PDZRN4: variants seen among roughly 807,000 people sequenced by gnomAD.
PDZRN4 encodes the protein PDZ domain containing ring finger 4.
A neutral mutation model predicts 99.0 loss-of-function variants in PDZRN4; 70 were observed. The ratio of observed to expected loss-of-function variants is 0.71; its 90% CI spans 0.58 to 0.86. The LOEUF is 0.86. Among genes scored for constraint, PDZRN4 ranks in the 40% least tolerant of loss-of-function variants. The probability of loss-of-function intolerance (pLI) is 0.00; values close to 1 mark genes in which losing one functional copy is unlikely to be tolerated. For synonymous variants in PDZRN4, 551 were observed against 501.6 expected, an observed-to-expected ratio of 1.10 and a Z score of -1.32; for missense variants, 1,474 against 1,331.2, an observed-to-expected ratio of 1.11 and a Z score of -1.67.
intron 3 of PDZRN4, among the ~76,000 whole-genome samples, chr12:41,247,663 G>A (rs983271490): frequency 3.0e-4 from 45 of 152,082 alleles, no homozygotes; most frequent in African/African-American, 1.0e-3. Flanking sequence ...AGTAGGCTTG[G>A]ATAGAAGATA....
chr12:41,191,625 G>A (rs1380419668), intron 2 of PDZRN4, 81 bp downstream of exon 2: 25 of 681,604 alleles, frequency 3.7e-5, no homozygotes, highest in Non-Finnish European at 6.3e-5. Flanking sequence ...TAAAATAATA[G>A]AGGACTTAGC....
chr12:41,190,807 T>C (rs1950731300), intron 1 of PDZRN4, among the ~76,000 whole-genome samples: 1 of 152,214 alleles, frequency 6.6e-6, no homozygotes, highest in African/African-American at 2.4e-5. Flanking sequence ...TAATAAACAT[T>C]GTAGCTATAA....
chr12:41,567,756 A>G, intron 8 of PDZRN4, 27 bp from the exon 9 acceptor site: 1 of 1,438,112 alleles, frequency 7.0e-7, no homozygotes, highest in Non-Finnish European at 9.7e-7. Context: ...CTAACATAAT[A>G]TAATGTACTA....
chr12:41,514,550 G>A (rs567470527), intron 5 of PDZRN4, among the ~76,000 whole-genome samples: 3 of 152,136 alleles, frequency 2.0e-5, no homozygotes, highest in African/African-American at 7.2e-5. Context: ...GAGCTATATG[G>A]ATCTTAAGGC....
intron 3 of PDZRN4, among the ~76,000 whole-genome samples, chr12:41,462,707 G>A (rs1952883465): frequency 6.6e-6 from 1 of 152,084 alleles, no homozygotes; most frequent in Admixed American, 6.6e-5. Context: ...TTTTAGATGA[G>A]GGGGAGACTC....
chr12:41,330,218 T>A (rs1951733868), intron 3 of PDZRN4, among the ~76,000 whole-genome samples: 1 of 152,008 alleles, frequency 6.6e-6, no homozygotes, highest in African/African-American at 2.4e-5. Context: ...TCTGAATGAG[T>A]TAAACCATTG....
At chr12:41,208,441 AAT>A (rs969505902) in intron 3 of PDZRN4, among the ~76,000 whole-genome samples, 175 of 152,038 alleles carry the variant, frequency 1.2e-3, no homozygotes, top group African/African-American at 4.0e-3. Flanking sequence ...ATTTTTCAGT[AAT>A]ATTTGCATCA....
At chr12:41,253,822 T>A (rs2120814139) in intron 3 of PDZRN4, among the ~76,000 whole-genome samples, 1 of 152,252 alleles carries the variant, frequency 6.6e-6, no homozygotes, top group Middle Eastern at 3.4e-3. Flanking sequence ...AATGAAATTG[T>A]GTCATGTGCA....
chr12:41,491,346 C>T (rs562294865), intron 3 of PDZRN4, among the ~76,000 whole-genome samples: 2 of 152,150 alleles, frequency 1.3e-5, no homozygotes, highest in South Asian at 2.1e-4. Flanking sequence ...CACAGTGAAA[C>T]TCTGTCTCTA....
intron 3 of PDZRN4, among the ~76,000 whole-genome samples, chr12:41,250,911 A>AGT (rs1233806104): frequency 6.6e-6 from 1 of 152,220 alleles, no homozygotes; most frequent in Non-Finnish European, 1.5e-5. Flanking sequence ...CTGCTGCTTG[A>AGT]GTATCACAAA....
Position 41,374,089 on chromosome 12 carries a change from C to T in PDZRN4, c.844-132367C>T, listed in dbSNP as rs143511750. Among the ~76,000 whole-genome samples the T allele has an allele frequency of 3.6e-3, 548 of 152,168 alleles. 1 individual carries two copies. The highest frequency in any genetic ancestry group is 4.1e-3 in the Non-Finnish European group (282 of 68,006). On this transcript the variant is annotated intron_variant, in intron 3 of 9. Coordinates refer to ENST00000402685, the MANE Select transcript of PDZRN4 (RefSeq NM_001164595.2). ...GAACACAAGGGAGACAGCGCTGGAG[C>T]GAGAGCTCTTTGGCTACCTCCTTGA...
At chr12:41,456,321 C>A (rs1254324086) in intron 3 of PDZRN4, among the ~76,000 whole-genome samples, 2 of 150,268 alleles carry the variant, frequency 1.3e-5, no homozygotes, top group Non-Finnish European at 2.9e-5. Context: ...CAGGATAACT[C>A]AAAAATTTAT....
At chr12:41,272,004 G>A (rs1951317030) in intron 3 of PDZRN4, among the ~76,000 whole-genome samples, 1 of 151,532 alleles carries the variant, frequency 6.6e-6, no homozygotes, top group African/African-American at 2.4e-5. Flanking sequence ...GTTTATATAA[G>A]CCTCTACTAT....
At chr12:41,238,976 G>C (rs186883022) in intron 3 of PDZRN4, among the ~76,000 whole-genome samples, 1 of 152,024 alleles carries the variant, frequency 6.6e-6, no homozygotes, top group African/African-American at 2.4e-5. Flanking sequence ...TATACCCAAA[G>C]GACTAGAGGT....
intron 3 of PDZRN4, among the ~76,000 whole-genome samples, chr12:41,441,106 C>A (rs534315994): frequency 6.6e-6 from 1 of 152,002 alleles, no homozygotes; most frequent in African/African-American, 2.4e-5. Flanking sequence ...ATGGGATGTT[C>A]GTTGGTGTCC....
intron 3 of PDZRN4, among the ~76,000 whole-genome samples, chr12:41,399,722 G>A (rs773038903): frequency 6.7e-5 from 10 of 148,150 alleles, no homozygotes; most frequent in Non-Finnish European, 1.5e-4. Flanking sequence ...GGCAACAAGA[G>A]TGAAACTTTG....
chr12:41,330,721 A>G (rs1203146711), intron 3 of PDZRN4, among the ~76,000 whole-genome samples: 2 of 152,096 alleles, frequency 1.3e-5, no homozygotes, highest in Non-Finnish European at 2.9e-5. Context: ...AAATAATACT[A>G]TCCAGTAGCC....
chr12:41,244,134 C>T (rs1460627575), intron 3 of PDZRN4, among the ~76,000 whole-genome samples: 1 of 152,152 alleles, frequency 6.6e-6, no homozygotes, highest in Non-Finnish European at 1.5e-5. Flanking sequence ...CTTTTGATTT[C>T]CAATTCCTGC....
chr12:41,430,694 T>A (rs941077654), intron 3 of PDZRN4, among the ~76,000 whole-genome samples: 1 of 152,154 alleles, frequency 6.6e-6, no homozygotes, highest in Admixed American at 6.5e-5. Flanking sequence ...AACAGAAGTA[T>A]AAAATTTCAA....
Sources: allele counts gnomAD v4.1 joint callset (sites outside exome capture counted in the v4.1 genomes callset), GRCh38; gene constraint gnomAD v4.1.1; transcripts MANE v1.5; gene names NCBI Gene and HGNC (gene_info 2026-07-23, HGNC 2026-07-21).